ARHGAP23: variants seen among roughly 807,000 people sequenced by gnomAD.
ARHGAP23 encodes Rho GTPase activating protein 23.
Under a neutral mutation model 136.3 loss-of-function variants are expected in ARHGAP23, and 34 were observed. The ratio of observed to expected loss-of-function variants is 0.25; its 90% confidence interval spans 0.19 to 0.33. The LOEUF (loss-of-function observed/expected upper bound fraction) is 0.33, where lower values mean the gene tolerates loss of function less well. ARHGAP23 is among the 10% of genes least tolerant of loss of function. The pLI, the probability that ARHGAP23 is intolerant of heterozygous loss-of-function variation, is 1.00. For missense variants in ARHGAP23, 1,808 were observed against 2,139.0 expected, an observed-to-expected ratio of 0.85 and a Z score of 3.05; for synonymous variants, 832 against 920.5, an observed-to-expected ratio of 0.90 and a Z score of 1.74.
chr17:38,474,373 T>C (rs1487747606), intron 11 of ARHGAP23, among the ~76,000 whole-genome samples: 1 of 152,022 alleles, frequency 6.6e-6, no homozygotes, highest in African/African-American at 2.4e-5. Context: ...GCAGACACTT[T>C]AGAGAGAGAT....
In ARHGAP23 at chr17:38,458,050, C is replaced by T; in HGVS notation, c.64-52C>T. On this transcript the variant is annotated intron_variant, in intron 1 of 23. Transcript: ENST00000622683. ...GGGCTGCAGGAGGTGGTGCAAACAG[C>T]CAGAAGTGTCAGCCACACGGGCGCT... 2.0e-6 allele frequency: 3 copies of T among 1,531,168 alleles called. No individual in the cohort carries two copies. In the East Asian group the frequency reaches 7.3e-5, roughly 37 times the overall value. The allele number at this position is 1,531,168 out of a possible 1,614,324, so 94.8% of individuals were successfully genotyped here.
chr17:38,426,584 T>C (rs888253215), upstream of ARHGAP23, among the ~76,000 whole-genome samples: 14 of 122,360 alleles, frequency 1.1e-4, no homozygotes, highest in African/African-American at 4.4e-4. Context: ...CCAGGCAGTA[T>C]GACAGATTAC....
Position 38,491,469 on chromosome 17 carries a change from C to T in ARHGAP23, c.3213C>T (p.Asn1071=). 6.5e-7 allele frequency: 1 copy of T among 1,549,610 alleles called. No individual in the cohort carries two copies. The highest frequency in any genetic ancestry group is 1.2e-5 in the South Asian group (1 of 83,968). ...GPTLVRTSED[N]MTDMVTHMPD... is the part of the protein sequence containing the mutation. ...CACTGGTGAGGACGTCTGAGGACAA[C>T]ATGACAGACATGGTGACCCACATGC... Residue 1071 remains asparagine (N), a synonymous_variant, in exon 20 of 24, where the codon AAC becomes AAT. Transcript: ENST00000622683.
chr17:38,460,693 G>T (rs1247023614), intron 2 of ARHGAP23, among the ~76,000 whole-genome samples: 3 of 152,200 alleles, frequency 2.0e-5, no homozygotes, highest in African/African-American at 7.2e-5. Context: ...TGATGGTTAG[G>T]GTGTTGAGGC....
Position 38,466,671 on chromosome 17 carries a change from C to A in ARHGAP23, c.988C>A (p.Pro330Thr). ...LEEVAAPRPW[P>T]CSTSQDALSQ... ...GGAGGTGGCTGCCCCCCGCCCGTGG[C>A]CCTGCTCCACCTCCCAGGATGCTTT... Residue 330 changes from proline (P) to threonine (T), a missense_variant, in exon 7 of 24, where the codon CCC becomes ACC. Around this residue, in one of 7 missense-constraint regions of ARHGAP23, gnomAD observed 859 missense variants for 936.4 expected, o/e 0.92. Transcript: ENST00000622683. The A allele has an allele frequency of 1.3e-6, 2 of 1,515,130 alleles. No homozygotes were observed. Among genetic ancestry groups the A allele is most frequent in the Non-Finnish European group, 1.8e-6 (2 of 1,133,364 alleles). 93.9% of individuals were successfully genotyped at this position (1,515,130 alleles called of 1,614,324 possible). A position where few individuals can be genotyped will look rare whatever the true frequency, so the allele number is the denominator to read the frequency against.
chr17:38,419,926 T>A (rs1477893378), intron 1 of ARHGAP23, among the ~76,000 whole-genome samples: 2 of 152,088 alleles, frequency 1.3e-5, no homozygotes, highest in African/African-American at 4.8e-5. Context: ...CCTTTCCCAG[T>A]CACAGCAGCT....
At chr17:38,456,495 C>T (rs893632047) in intron 1 of ARHGAP23, among the ~76,000 whole-genome samples, 15 of 152,208 alleles carry the variant, frequency 9.9e-5, no homozygotes, top group African/African-American at 3.1e-4. Flanking sequence ...CTGATGCTTC[C>T]TGCCTGGTGC....
At chr17:38,467,618 A>C (rs1431583116) in intron 7 of ARHGAP23, among the ~76,000 whole-genome samples, 1 of 150,476 alleles carries the variant, frequency 6.6e-6, no homozygotes, top group African/African-American at 2.5e-5. Flanking sequence ...CCATCCATCC[A>C]TCCATCATCT....
chr17:38,451,890 C>T (rs1342376087), intron 1 of ARHGAP23: 1 of 152,380 alleles, frequency 6.6e-6, no homozygotes, highest in Non-Finnish European at 1.5e-5. Flanking sequence ...CTCTCCCCGG[C>T]TGCAGTCCTT....
intron 18 of ARHGAP23, 36 bp downstream of exon 18, chr17:38,490,211 G>A: frequency 6.5e-7 from 1 of 1,540,636 alleles, no homozygotes; most frequent in Non-Finnish European, 8.8e-7. Flanking sequence ...CACGAGGTGG[G>A]GCAGCTGCCT....
chr17:38,474,901 C>T (rs529710825), intron 11 of ARHGAP23, among the ~76,000 whole-genome samples: 20 of 152,172 alleles, frequency 1.3e-4, no homozygotes, highest in Non-Finnish European at 2.8e-4. Flanking sequence ...TCCAGTCTAA[C>T]GTGTGAGCCA....
chr17:38,434,437 A>G (rs888386262), intron 1 of ARHGAP23, among the ~76,000 whole-genome samples: 3 of 152,010 alleles, frequency 2.0e-5, no homozygotes, highest in Non-Finnish European at 2.9e-5. Context: ...CTTTGAAGTG[A>G]CCCTTTCAAA....
chr17:38,508,215 A>G (rs1017458705), intron 23 of ARHGAP23, among the ~76,000 whole-genome samples: 3 of 152,318 alleles, frequency 2.0e-5, no homozygotes, highest in African/African-American at 7.2e-5. Flanking sequence ...CATCTCAGGC[A>G]AAGGGAGGGC....
chr17:38,483,799 T>C lies in ARHGAP23; in HGVS notation c.2907+1121T>C, dbSNP rs550297556. On this transcript the variant is annotated intron_variant, in intron 16 of 23. Coordinates refer to ENST00000622683, the MANE Select transcript of ARHGAP23 (RefSeq NM_001199417.2). The stretch of plus-strand genomic sequence containing the variant: ...AGGTGGTGGCTGGAGGGTTTGAGTA[T>C]TGGAGGAATGAATAGGAGGGGGCAG... Among the ~76,000 whole-genome samples the C allele has an allele frequency of 3.9e-5, 6 of 151,950 alleles. No individual in the cohort carries two copies. In the East Asian group the frequency reaches 1.2e-3, roughly 29 times the overall value.
At chr17:38,478,257 AGT>A (rs1401290266) in intron 12 of ARHGAP23, among the ~76,000 whole-genome samples, 2 of 151,798 alleles carry the variant, frequency 1.3e-5, no homozygotes, top group Admixed American at 1.3e-4. Context: ...CCTCCTATGG[AGT>A]GTGTTAGGGC....
At chr17:38,502,738 G>A (rs1228050720) in intron 23 of ARHGAP23, among the ~76,000 whole-genome samples, 1 of 152,138 alleles carries the variant, frequency 6.6e-6, no homozygotes, top group Non-Finnish European at 1.5e-5. Flanking sequence ...TGGCTTGAGG[G>A]AAACTTTCAT....
At chr17:38,445,304 A>T (rs1362785025) in intron 1 of ARHGAP23, among the ~76,000 whole-genome samples, 4 of 10,190 alleles carry the variant, frequency 3.9e-4, no homozygotes, top group Admixed American at 3.9e-3. Context: ...GTCTCTACTT[A>T]AAAAAAAAAA....
At chr17:38,433,246 C>A (rs2038723555) in intron 1 of ARHGAP23, among the ~76,000 whole-genome samples, 1 of 152,182 alleles carries the variant, frequency 6.6e-6, no homozygotes. Flanking sequence ...CAGGTGTGAG[C>A]CACCACACCT....
chr17:38,429,751 T>C (rs1050412511), intron 1 of ARHGAP23, among the ~76,000 whole-genome samples: 3 of 152,110 alleles, frequency 2.0e-5, no homozygotes, highest in Admixed American at 2.0e-4. Context: ...ATGAGTCCCT[T>C]GGATTCAATC....
Sources: allele counts gnomAD v4.1 joint callset (sites outside exome capture counted in the v4.1 genomes callset), GRCh38; gene constraint gnomAD v4.1.1; regional missense constraint gnomAD v4.1.1; transcripts MANE v1.5; gene names NCBI Gene and HGNC (gene_info 2026-07-23, HGNC 2026-07-21).